Variants in PLEKHM2 observed in about 807,000 individuals in gnomAD.
The protein encoded by PLEKHM2 is pleckstrin homology and RUN domain containing M2.
PLEKHM2 carries 77 observed loss-of-function variants against 116.3 expected under a neutral mutation model. That is an observed-to-expected ratio of 0.66 (90% CI 0.55 to 0.80). The LOEUF is 0.80. Among genes scored for constraint, PLEKHM2 ranks in the 30% least tolerant of loss-of-function variants. The probability of loss-of-function intolerance (pLI) is 0.00; values close to 1 mark genes in which losing one functional copy is unlikely to be tolerated. For synonymous variants in PLEKHM2, 562 were observed against 571.0 expected (o/e 0.98, Z 0.22); for missense variants, 1,183 against 1,354.9 (o/e 0.87, Z 1.99).
At chr1:15,724,928 A>G (rs1217798707) in intron 7 of PLEKHM2, among the ~76,000 whole-genome samples, 1 of 152,074 alleles carries the variant, frequency 6.6e-6, no homozygotes, top group Non-Finnish European at 1.5e-5. Context: ...CTCTGAGGGT[A>G]ACCTAAGAGG....
chr1:15,684,450 G>A lies in PLEKHM2; in HGVS notation c.-109G>A. The A allele has an allele frequency of 3.5e-6, 2 of 572,122 alleles. No homozygotes were observed. The highest frequency in any genetic ancestry group is 4.4e-6 in the Non-Finnish European group (2 of 454,240). 35.4% of individuals were successfully genotyped at this position (572,122 alleles called of 1,614,324 possible). On this transcript the variant is annotated 5_prime_UTR_variant, in exon 1 of 20. Coordinates refer to ENST00000375799, the MANE Select transcript of PLEKHM2 (RefSeq NM_015164.4). ...CCGCGGCCGGCACGACGGAGCCCCC[G>A]TACGGCCGGCGGCAGCGGTTGGCGG...
chr1:15,698,852 A>G (rs1355146182), intron 1 of PLEKHM2, among the ~76,000 whole-genome samples: 1 of 152,086 alleles, frequency 6.6e-6, no homozygotes, highest in African/African-American at 2.4e-5. Context: ...CCTGGCCAAC[A>G]TTTTTCATAT....
rs1180438586 is a variant in PLEKHM2, at chr1:15,731,873, TC to T, written c.2466-14del. Reference sequence around the variant, plus strand: ...TTGCCTCCTCGCTCCCGTTTCACCCTCCTCCTCTGGCCCAGGGGGGAGCAGT... The same window carrying T: ...TTGCCTCCTCGCTCCCGTTTCACCCTCTCCTCTGGCCCAGGGGGGAGCAGT... On this transcript the variant is annotated splice_polypyrimidine_tract_variant and intron_variant, in intron 16 of 19. Coordinates refer to ENST00000375799, the MANE Select transcript of PLEKHM2 (RefSeq NM_015164.4). The T allele has an allele frequency of 6.2e-7, 1 of 1,605,784 alleles. No individual in the cohort carries two copies. The highest frequency in any genetic ancestry group is 8.5e-7 in the Non-Finnish European group (1 of 1,176,192).
Position 15,729,707 on chromosome 1 carries a change from C to T in PLEKHM2, c.2076-90C>T. 4 of 1,208,558 alleles carry T rather than the reference C, an allele frequency of 3.3e-6. No homozygotes were observed. Among genetic ancestry groups the T allele is most frequent in the Non-Finnish European group, 4.6e-6 (4 of 862,574 alleles). 74.9% of individuals were successfully genotyped at this position (1,208,558 alleles called of 1,614,324 possible). ...GGTCTCTCCCCCAAGTTTCTGTGAC[C>T]CCTCCAGGCCAGCAGCGCTCAAGAC... On this transcript the variant is annotated intron_variant, in intron 13 of 19. Transcript: ENST00000375799. The surrounding 1 kb of genome is among the most constrained non-coding windows in gnomAD (Gnocchi z 4.7).
chr1:15,684,924 G>A (rs1175325873), intron 1 of PLEKHM2, among the ~76,000 whole-genome samples: 2 of 152,158 alleles, frequency 1.3e-5, no homozygotes, highest in African/African-American at 4.8e-5. Flanking sequence ...GGGCAGCGGC[G>A]CCCCCGGGAG....
Position 15,721,358 on chromosome 1 carries a change from G to C in PLEKHM2, c.682G>C (p.Val228Leu). Residue 228 changes from valine (V) to leucine (L), a missense_variant, in exon 7 of 20, where the codon GTG (valine) becomes CTG (leucine). Physicochemically the swap from Val to Leu is conservative, Grantham distance 32. This residue lies in a region of PLEKHM2 where 372 missense variants were observed against 357.2 expected (regional missense o/e 1.04). Coordinates refer to ENST00000375799, the MANE Select transcript of PLEKHM2 (RefSeq NM_015164.4). The surrounding 1 kb of genome is among the most constrained non-coding windows in gnomAD (Gnocchi z 5.1). ...TGATTTTGGAGATGTGTTTCCAGCA[G>C]TGCCGTCTGTACCCAGCACAGACTG... ...DYDFGDVFPAVPSVPSTDWED... is the reference protein window; with the variant it reads ...DYDFGDVFPALPSVPSTDWED... 6.4e-7 allele frequency: 1 copy of C among 1,571,078 alleles called. No homozygotes were observed. Among genetic ancestry groups the C allele is most frequent in the Non-Finnish European group, 8.6e-7 (1 of 1,156,868 alleles).
At position 15,684,529 on chromosome 1, in the gene PLEKHM2, G is replaced by A. The variant is rs1640722182; in HGVS notation, c.-30G>A. Reference sequence around the variant, plus strand: ...GCGGCGGGGCGGCGGCGGCGGTGGCGGTGGCGGTGGCGGCGACGGTGGCAG... The same window carrying A: ...GCGGCGGGGCGGCGGCGGCGGTGGCAGTGGCGGTGGCGGCGACGGTGGCAG... On this transcript the variant is annotated 5_prime_UTR_variant, in exon 1 of 20. Transcript: ENST00000375799. 1 of 1,150,254 alleles carries A rather than the reference G, an allele frequency of 8.7e-7. No individual in the cohort carries two copies. The highest frequency in any genetic ancestry group is 1.1e-6 in the Non-Finnish European group (1 of 923,762). 71.3% of individuals were successfully genotyped at this position (1,150,254 alleles called of 1,614,324 possible). A position where few individuals can be genotyped will look rare whatever the true frequency, so the allele number is the denominator to read the frequency against.
In PLEKHM2 at chr1:15,732,424, G is replaced by A. The variant is rs763833499; in HGVS notation, c.2700G>A (p.Thr900=). 293 of 1,582,496 alleles carry A rather than the reference G, an allele frequency of 1.9e-4. No individual in the cohort carries two copies. The highest frequency in any genetic ancestry group is 2.4e-4 in the Non-Finnish European group (284 of 1,164,718). The change falls in exon 18 of 20, where the codon ACG becomes ACA. Residue 900 remains threonine, a synonymous_variant. Coordinates refer to ENST00000375799, the MANE Select transcript of PLEKHM2 (RefSeq NM_015164.4). ...CLVLTDDRLF[T]CHEDCQTSFF... ...TCCTCACGGATGACCGCCTCTTTAC[G>A]TGCCATGAGGATTGCCAGACCAGCT...
intron 3 of PLEKHM2, 120 bp downstream of exon 3, chr1:15,716,936 TC>T: frequency 8.0e-7 from 1 of 1,252,196 alleles, no homozygotes; most frequent in Non-Finnish European, 1.1e-6. Flanking sequence ...CCTGGTGGTG[TC>T]CAGTAGCAGT....
Position 15,727,104 on chromosome 1 carries a change from A to G in PLEKHM2, c.1032A>G (p.Lys344=). 1 of 1,567,692 alleles carries G rather than the reference A, an allele frequency of 6.4e-7. No individual in the cohort carries two copies. The highest frequency in any genetic ancestry group is 2.3e-5 in the East Asian group (1 of 43,676). The change falls in exon 9 of 20, where the codon AAA becomes AAG. Residue 344 remains lysine (K), a synonymous_variant. Transcript: ENST00000375799. This position sits in a 1 kb window ranked among gnomAD's most constrained non-coding sequence, Gnocchi z 7.5. ...TCCACCCCGCCTGCAGCCAGAAGAA[A>G]TGTGCCAAGCAGGGGGACGGTGACA... ...SPLHPACSQK[K]CAKQGDGDSR...
rs1388834082 is a variant in PLEKHM2, at chr1:15,684,570, G to T, written c.12G>T (p.Gly4=). The T allele has an allele frequency of 7.7e-7, 1 of 1,298,442 alleles. No individual in the cohort carries two copies. The allele number at this position is 1,298,442 out of a possible 1,614,324, so 80.4% of individuals were successfully genotyped here. The change falls in exon 1 of 20, where the codon GGG becomes GGT. Residue 4 remains glycine (G), a synonymous_variant. Coordinates refer to ENST00000375799, the MANE Select transcript of PLEKHM2 (RefSeq NM_015164.4). MEP[G]EVKDRILENI... ...ACGGTGGCAGCGCCATGGAGCCGGG[G>T]GAGGTGAAGGACCGGATCCTGGAGA...
At chr1:15,681,807 G>C (rs1640650501), upstream of PLEKHM2, among the ~76,000 whole-genome samples, 1 of 152,174 alleles carries the variant, frequency 6.6e-6, no homozygotes, top group Admixed American at 6.5e-5. Context: ...AGTGACTGGA[G>C]TCTCAACCCT....
intron 1 of PLEKHM2, among the ~76,000 whole-genome samples, chr1:15,698,549 C>CTTT (rs564918055): frequency 9.0e-5 from 10 of 111,222 alleles, no homozygotes; most frequent in Non-Finnish European, 1.1e-4. Flanking sequence ...TTCTTTCTTT[C>CTTT]TTTTTTTTTT....
At chr1:15,730,997 G>A (rs528499619) in intron 15 of PLEKHM2, among the ~76,000 whole-genome samples, 195 bp from the exon 16 acceptor site, 1 of 152,298 alleles carries the variant, frequency 6.6e-6, no homozygotes, top group South Asian at 2.1e-4. Context: ...CCCCAGGTCT[G>A]CTGAGGTGGC....
chr1:15,706,194 C>T (rs1207004815), intron 1 of PLEKHM2, among the ~76,000 whole-genome samples: 1 of 152,176 alleles, frequency 6.6e-6, no homozygotes, highest in East Asian at 1.9e-4. Context: ...CGCAAAGCCC[C>T]TCGCACGGCC....
chr1:15,722,386 C>T (rs762078395), intron 7 of PLEKHM2, among the ~76,000 whole-genome samples: 6 of 152,192 alleles, frequency 3.9e-5, no homozygotes, highest in Non-Finnish European at 7.3e-5. Flanking sequence ...TCAGGTGATC[C>T]ACCCCACCTC....
intron 7 of PLEKHM2, among the ~76,000 whole-genome samples, chr1:15,725,042 C>T (rs923991427): frequency 5.9e-5 from 9 of 152,210 alleles, no homozygotes; most frequent in African/African-American, 1.4e-4. Flanking sequence ...GAGGCTGCTT[C>T]ACCGCGGGGG....
chr1:15,731,539 G>A (rs1182701999), intron 16 of PLEKHM2, among the ~76,000 whole-genome samples: 2 of 152,162 alleles, frequency 1.3e-5, no homozygotes, highest in Admixed American at 6.5e-5. Context: ...ATGGACGTTC[G>A]GGTATTTGGG....
chr1:15,683,686 G>C (rs1300212293), upstream of PLEKHM2, among the ~76,000 whole-genome samples: 1 of 151,464 alleles, frequency 6.6e-6, no homozygotes, highest in African/African-American at 2.4e-5. Context: ...GAGGGCTGGG[G>C]GCCCAGGGTC....
Sources: gnomAD v4.1 joint callset for allele counts (sites outside exome capture counted in the v4.1 genomes callset) on GRCh38, gnomAD v4.1.1 for gene constraint, gnomAD v4.1.1 regional missense constraint, Gnocchi (gnomAD v3.1) non-coding constraint, MANE v1.5 for transcripts, NCBI Gene and HGNC (gene_info 2026-07-23, HGNC 2026-07-21) for gene names.